CNTNAP2: variants seen among roughly 807,000 people sequenced by gnomAD.
CNTNAP2 encodes contactin-associated protein-like 2.
Under a neutral mutation model 155.2 loss-of-function variants are expected in CNTNAP2, and 98 were observed. The ratio of observed to expected loss-of-function variants is 0.63; its 90% CI spans 0.54 to 0.75. CNTNAP2 has a LOEUF of 0.75. CNTNAP2 is among the 30% of genes least tolerant of loss of function. CNTNAP2 has a pLI of 0.00. For missense variants in CNTNAP2, 1,727 were observed against 1,688.1 expected (o/e 1.02, Z -0.40); for synonymous variants, 651 against 631.2 (o/e 1.03, Z -0.47).
chr7:146,723,173 G>A (rs191565966), intron 1 of CNTNAP2, among the ~76,000 whole-genome samples: 5 of 152,234 alleles, frequency 3.3e-5, no homozygotes, highest in African/African-American at 4.8e-5. Context: ...TACAAGAACA[G>A]AAAACACCAT....
chr7:147,344,069 C>T (rs1158101916), intron 9 of CNTNAP2, among the ~76,000 whole-genome samples: 1 of 152,098 alleles, frequency 6.6e-6, no homozygotes, highest in Admixed American at 6.5e-5. Context: ...GGAGGTTAAG[C>T]GACTCTGAAA....
intron 2 of CNTNAP2, among the ~76,000 whole-genome samples, chr7:146,808,514 T>A (rs1056857941): frequency 1.2e-4 from 19 of 152,186 alleles, no homozygotes; most frequent in African/African-American, 2.9e-4. Flanking sequence ...ATCACATTTT[T>A]AAAAATTTTT....
At chr7:147,111,858 G>C (rs532828398) in intron 5 of CNTNAP2, among the ~76,000 whole-genome samples, 2 of 152,068 alleles carry the variant, frequency 1.3e-5, no homozygotes, top group South Asian at 4.2e-4. Context: ...ACTCTTTTTT[G>C]GTTCCATGTG....
chr7:148,289,597 A>ATG (rs1563027464), intron 21 of CNTNAP2, among the ~76,000 whole-genome samples: 2 of 151,894 alleles, frequency 1.3e-5, no homozygotes, highest in Admixed American at 1.3e-4. Context: ...ACACACACAC[A>ATG]CACACCCCAT....
chr7:146,702,462 A>T (rs1800894086), intron 1 of CNTNAP2, among the ~76,000 whole-genome samples: 1 of 152,188 alleles, frequency 6.6e-6, no homozygotes, highest in Admixed American at 6.5e-5. Flanking sequence ...AAATACTCTG[A>T]GTCAGAGCTG....
At chr7:147,075,113 T>G (rs1799970306) in intron 4 of CNTNAP2, among the ~76,000 whole-genome samples, 1 of 152,186 alleles carries the variant, frequency 6.6e-6, no homozygotes, top group Non-Finnish European at 1.5e-5. Flanking sequence ...GTTATGAAAC[T>G]TTTAAGTTTG....
At chr7:146,272,758 G>T (rs1584840657) in intron 1 of CNTNAP2, among the ~76,000 whole-genome samples, 1 of 152,150 alleles carries the variant, frequency 6.6e-6, no homozygotes, top group African/African-American at 2.4e-5. Context: ...GGAGTAAATG[G>T]TGACAAAGGC....
At chr7:147,713,188 G>T (rs1346065502) in intron 13 of CNTNAP2, among the ~76,000 whole-genome samples, 1 of 151,876 alleles carries the variant, frequency 6.6e-6, no homozygotes, top group African/African-American at 2.4e-5. Context: ...AGTGAAATTT[G>T]CATGTAATAA....
intron 14 of CNTNAP2, among the ~76,000 whole-genome samples, chr7:147,916,745 T>A (rs138977900): frequency 2.0e-3 from 299 of 151,280 alleles, no homozygotes; most frequent in Admixed American, 3.1e-3. Flanking sequence ...TTAAAAGAGA[T>A]GTCATGGGAT....
chr7:148,221,864 T>C (rs1795752281), intron 19 of CNTNAP2, among the ~76,000 whole-genome samples: 1 of 152,248 alleles, frequency 6.6e-6, no homozygotes, highest in Non-Finnish European at 1.5e-5. Flanking sequence ...ATTGAACTCA[T>C]GGTGTCCTTT....
chr7:146,572,411 C>G lies in CNTNAP2; in HGVS notation c.98-201860C>G, dbSNP rs1408496421. ...CAGTCTCAGACTTAGGGATGTCTTT[C>G]TTTGGATAAACTATTTACTTCCTTC... On this transcript the variant is annotated intron_variant, in intron 1 of 23. Coordinates refer to ENST00000361727, the MANE Select transcript of CNTNAP2 (RefSeq NM_014141.6). Among the ~76,000 whole-genome samples, 3 of 151,960 alleles carry G rather than the reference C, an allele frequency of 2.0e-5. No homozygotes were observed. The East Asian group carries it at 5.8e-4, about 30-fold the overall frequency.
At chr7:146,909,253 A>C (rs1261169607) in intron 3 of CNTNAP2, among the ~76,000 whole-genome samples, 3 of 144,518 alleles carry the variant, frequency 2.1e-5, no homozygotes, top group Non-Finnish European at 3.1e-5. Flanking sequence ...ATTCCTTCTG[A>C]AACTATTCCA....
At chr7:146,826,849 T>G (rs545699008) in intron 2 of CNTNAP2, among the ~76,000 whole-genome samples, 173 of 142,604 alleles carry the variant, frequency 1.2e-3, no homozygotes, top group African/African-American at 2.4e-3. Context: ...TATATATATA[T>G]ATATATATAG....
chr7:146,798,543 G>A (rs796156842), intron 2 of CNTNAP2, among the ~76,000 whole-genome samples: 5 of 152,034 alleles, frequency 3.3e-5, no homozygotes, highest in African/African-American at 9.6e-5. Context: ...ATGGGGTTTT[G>A]CCATGTTGCC....
At chr7:146,459,891 A>G (rs528809861) in intron 1 of CNTNAP2, among the ~76,000 whole-genome samples, 1 of 152,236 alleles carries the variant, frequency 6.6e-6, no homozygotes, top group South Asian at 2.1e-4. Flanking sequence ...AATTGCTTGA[A>G]CTTGGGAGGT....
chr7:147,718,093 G>T (rs1179481951), intron 13 of CNTNAP2, among the ~76,000 whole-genome samples: 2 of 152,016 alleles, frequency 1.3e-5, no homozygotes, highest in African/African-American at 4.8e-5. Context: ...TATAGTATCT[G>T]ATGTATGAAT....
chr7:146,301,264 A>C (rs1400257630), intron 1 of CNTNAP2, among the ~76,000 whole-genome samples: 1 of 152,190 alleles, frequency 6.6e-6, no homozygotes, highest in Non-Finnish European at 1.5e-5. Context: ...ATTTGAGAAT[A>C]GAAGAAAAGA....
chr7:148,049,870 G>T (rs1585097411), intron 15 of CNTNAP2, among the ~76,000 whole-genome samples: 1 of 152,094 alleles, frequency 6.6e-6, no homozygotes, highest in East Asian at 1.9e-4. Context: ...TAAAAAATTT[G>T]CTGTGAAACA....
At chr7:147,793,167 C>T (rs560398451) in intron 13 of CNTNAP2, among the ~76,000 whole-genome samples, 81 of 152,074 alleles carry the variant, frequency 5.3e-4, no homozygotes, top group Middle Eastern at 3.4e-3. Context: ...TATCTTTTGA[C>T]GCCCAAATAT....
Sources: gnomAD v4.1 joint callset for allele counts (sites outside exome capture counted in the v4.1 genomes callset) on GRCh38, gnomAD v4.1.1 for gene constraint, MANE v1.5 for transcripts, NCBI Gene and HGNC (gene_info 2026-07-23, HGNC 2026-07-21) for gene names.